The following ZBTB40 variants were observed in gnomAD, a reference collection of about 807,000 sequenced individuals.
ZBTB40 encodes the protein zinc finger and BTB domain-containing protein 40.
In ZBTB40, 60 loss-of-function variants were observed where a neutral mutation model predicts 117.5. The ratio of observed to expected loss-of-function variants is 0.51; its 90% CI spans 0.41 to 0.63. The LOEUF (loss-of-function observed/expected upper bound fraction) is 0.63, where lower values mean the gene tolerates loss of function less well. ZBTB40 is among the 30% of genes least tolerant of loss of function. The pLI, the probability that ZBTB40 is intolerant of heterozygous loss-of-function variation, is 0.00. For missense variants in ZBTB40, 1,287 were observed against 1,498.5 expected, an observed-to-expected ratio of 0.86 and a Z score of 2.33; for synonymous variants, 525 against 577.1, an observed-to-expected ratio of 0.91 and a Z score of 1.29.
chr1:22,438,715 C>T (rs1369418261), intron 1 of ZBTB40, among the ~76,000 whole-genome samples: 2 of 152,138 alleles, frequency 1.3e-5, no homozygotes, highest in African/African-American at 4.8e-5. Flanking sequence ...AGCAGCTGTC[C>T]TAATGAGTGT....
chr1:22,529,974 C>G lies in ZBTB40; in HGVS notation c.*3578C>G, dbSNP rs939126385. On this transcript the variant is annotated 3_prime_UTR_variant, in exon 18 of 18. Transcript: ENST00000375647. Reference sequence around the variant, plus strand: ...GGTGAGAAGGGCCCTAAGAGTTCGTCTCTCACCTGGGGGCTGGTGACGTGG... The same window carrying G: ...GGTGAGAAGGGCCCTAAGAGTTCGTGTCTCACCTGGGGGCTGGTGACGTGG... The G allele has an allele frequency of 6.6e-6, 1 of 151,732 alleles. No homozygotes were observed. Among genetic ancestry groups the G allele is most frequent in the African/African-American group, 2.4e-5 (1 of 41,262 alleles). 9.4% of individuals were successfully genotyped at this position (151,732 alleles called of 1,614,324 possible). A position where few individuals can be genotyped will look rare whatever the true frequency, so the allele number is the denominator to read the frequency against.
At chr1:22,518,150 T>G (rs1639424422) in intron 13 of ZBTB40, among the ~76,000 whole-genome samples, 1 of 152,212 alleles carries the variant, frequency 6.6e-6, no homozygotes. Flanking sequence ...CACATTTTCT[T>G]CAGCCTCTCT....
chr1:22,516,251 G>A (rs1396499161), intron 12 of ZBTB40, among the ~76,000 whole-genome samples: 1 of 152,098 alleles, frequency 6.6e-6, no homozygotes, highest in Non-Finnish European at 1.5e-5. Context: ...AGGACTTTGG[G>A]TTTTTATGTG....
intron 5 of ZBTB40, among the ~76,000 whole-genome samples, chr1:22,503,724 A>G (rs1329118587): frequency 6.6e-6 from 1 of 152,256 alleles, no homozygotes; most frequent in Non-Finnish European, 1.5e-5. Flanking sequence ...AAGAAAATAT[A>G]CAAAGATTAA....
At chr1:22,515,952 G>T (rs1381013049) in intron 12 of ZBTB40, among the ~76,000 whole-genome samples, 1 of 152,234 alleles carries the variant, frequency 6.6e-6, no homozygotes, top group African/African-American at 2.4e-5. Flanking sequence ...GCCGTTCAGT[G>T]TAGAGGTGAT....
intron 10 of ZBTB40, 78 bp downstream of exon 10, chr1:22,511,425 T>C: frequency 6.4e-7 from 1 of 1,559,350 alleles, no homozygotes; most frequent in Non-Finnish European, 8.7e-7. Flanking sequence ...CAGCATTTCA[T>C]ATCATAGTTT....
intron 9 of ZBTB40, 83 bp downstream of exon 9, chr1:22,509,316 A>G (rs751943660): frequency 1.9e-6 from 3 of 1,586,916 alleles, no homozygotes; most frequent in Non-Finnish European, 1.7e-6. Context: ...AGAGGAACCA[A>G]TAGTTGGTTG....
chr1:22,508,317 G>C (rs1455153951), intron 7 of ZBTB40, among the ~76,000 whole-genome samples, 180 bp downstream of exon 7: 1 of 152,218 alleles, frequency 6.6e-6, no homozygotes, highest in South Asian at 2.1e-4. Context: ...AAATAGAATA[G>C]TTCTAATTTC....
chr1:22,528,750 G>C lies in ZBTB40; in HGVS notation c.*2354G>C, dbSNP rs1416977026. 2 of 150,266 alleles carry C rather than the reference G, an allele frequency of 1.3e-5. No individual in the cohort carries two copies. Among genetic ancestry groups the C allele is most frequent in the Non-Finnish European group, 3.0e-5 (2 of 67,754 alleles). The allele number at this position is 150,266 out of a possible 1,614,324, so 9.3% of individuals were successfully genotyped here. On this transcript the variant is annotated 3_prime_UTR_variant, in exon 18 of 18. Coordinates refer to ENST00000375647, the MANE Select transcript of ZBTB40 (RefSeq NM_014870.4). ...AGGGTCTCGCCATGTTGCCCAGGCT[G>C]GTTTAAAACTCCTGAGCTCAAGCAG... is the stretch of plus-strand genomic sequence containing the variant.
chr1:22,447,695 A>G (rs887140310), upstream of ZBTB40, among the ~76,000 whole-genome samples: 2 of 152,228 alleles, frequency 1.3e-5, no homozygotes, highest in Non-Finnish European at 2.9e-5. Flanking sequence ...TTGTCTGGGC[A>G]GCCCTGCTGG....
chr1:22,452,225 C>A (rs1365773353), intron 1 of ZBTB40, among the ~76,000 whole-genome samples: 1 of 152,140 alleles, frequency 6.6e-6, no homozygotes, highest in Non-Finnish European at 1.5e-5. Context: ...AGGGGAGAGA[C>A]CGCGGGGACC....
At position 22,511,951 on chromosome 1, in the gene ZBTB40, G is replaced by A; in HGVS notation, c.2278G>A (p.Val760Met). 1 of 1,614,240 alleles carries A rather than the reference G, an allele frequency of 6.2e-7. No homozygotes were observed. Among genetic ancestry groups the A allele is most frequent in the Non-Finnish European group, 8.5e-7 (1 of 1,180,044 alleles). The part of the protein sequence containing the change: ...RLKVHMKRCR[V>M]AKSKQVQCKE... ...AAAGGTGCACATGAAGCGCTGCCGGGTGGCTAAGAGCAAACAGGTGCAGTG... is the reference window on the plus strand; with the variant it reads ...AAAGGTGCACATGAAGCGCTGCCGGATGGCTAAGAGCAAACAGGTGCAGTG... The change falls in exon 11 of 18, where the codon GTG (valine) becomes ATG (methionine). Residue 760 changes from valine to methionine, a missense_variant. Transcript: ENST00000375647.
At chr1:22,515,523 T>C (rs2124464184) in intron 12 of ZBTB40, among the ~76,000 whole-genome samples, 1 of 152,290 alleles carries the variant, frequency 6.6e-6, no homozygotes, top group African/African-American at 2.4e-5. Context: ...GGAGATCTCA[T>C]TCCTTGCCTT....
chr1:22,482,910 C>G (rs1258531275), intron 1 of ZBTB40, among the ~76,000 whole-genome samples: 1 of 152,026 alleles, frequency 6.6e-6, no homozygotes, highest in East Asian at 1.9e-4. Flanking sequence ...AACCCGGTCT[C>G]TACTAAAAAT....
intron 1 of ZBTB40, among the ~76,000 whole-genome samples, chr1:22,483,929 G>A (rs1227120222): frequency 6.6e-6 from 1 of 152,112 alleles, no homozygotes; most frequent in Non-Finnish European, 1.5e-5. Context: ...TTTTGTGAAG[G>A]GTGTAAGGTC....
chr1:22,446,034 T>A (rs190562805), intron 1 of ZBTB40, among the ~76,000 whole-genome samples: 67 of 152,098 alleles, frequency 4.4e-4, no homozygotes, highest in East Asian at 3.7e-3. Context: ...GGAGACAGCG[T>A]GCAAGAACAG....
At chr1:22,509,293 C>A in intron 9 of ZBTB40, 60 bp downstream of exon 9, 1 of 1,608,122 alleles carries the variant, frequency 6.2e-7, no homozygotes, top group Non-Finnish European at 8.5e-7. Flanking sequence ...CTGGGACTGT[C>A]TTCATTCCTA....
intron 1 of ZBTB40, among the ~76,000 whole-genome samples, chr1:22,470,808 C>T (rs1641386100): frequency 6.6e-6 from 1 of 152,200 alleles, no homozygotes; most frequent in Non-Finnish European, 1.5e-5. Context: ...CCTCAGACTC[C>T]ACCTGCCGGG....
chr1:22,463,382 G>A (rs1641174986), intron 1 of ZBTB40, among the ~76,000 whole-genome samples: 1 of 152,190 alleles, frequency 6.6e-6, no homozygotes, highest in Non-Finnish European at 1.5e-5. Flanking sequence ...ATTCCCTGAT[G>A]AAGAAAAGTG....
Sources: gnomAD v4.1 joint callset for allele counts (sites outside exome capture counted in the v4.1 genomes callset) on GRCh38, gnomAD v4.1.1 for gene constraint, MANE v1.5 for transcripts, NCBI Gene and HGNC (gene_info 2026-07-23, HGNC 2026-07-21) for gene names.